RBCK1: variants seen among roughly 807,000 people sequenced by gnomAD.
The protein encoded by RBCK1 is RANBP2-type and C3HC4-type zinc finger containing 1, also known as ranBP-type and C3HC4-type zinc finger-containing protein 1.
In RBCK1, 44 loss-of-function variants were observed where a neutral mutation model predicts 71.1. The ratio of observed to expected loss-of-function variants is 0.62; its 90% CI spans 0.49 to 0.80. RBCK1 has a LOEUF of 0.80. Ranked by LOEUF, RBCK1 falls within the 30% of genes least tolerant of loss-of-function variation. The pLI, the probability that RBCK1 is intolerant of heterozygous loss-of-function variation, is 0.00. For missense variants in RBCK1, 569 were observed against 685.0 expected (o/e 0.83, Z 1.89); for synonymous variants, 306 against 279.7 (o/e 1.09, Z -0.94).
intron 4 of RBCK1, 83 bp downstream of exon 4, chr20:418,013 C>A (rs2016102761): frequency 7.1e-7 from 1 of 1,407,246 alleles, no homozygotes; most frequent in Non-Finnish European, 9.5e-7. Flanking sequence ...GGGCAGAGCC[C>A]CTGGGTTTTT....
At chr20:410,707 CTT>C in intron 2 of RBCK1, 2 of 610,736 alleles carry the variant, frequency 3.3e-6, no homozygotes, top group South Asian at 2.0e-5. Flanking sequence ...TGCTGAAACA[CTT>C]TGCACAATGC....
Position 422,291 on chromosome 20 carries a change from G to T in RBCK1, c.1029+53G>T. 2 of 1,448,896 alleles carry T rather than the reference G, an allele frequency of 1.4e-6. No individual in the cohort carries two copies. Among genetic ancestry groups the T allele is most frequent in the Non-Finnish European group, 1.9e-6 (2 of 1,039,430 alleles). 89.8% of individuals were successfully genotyped at this position (1,448,896 alleles called of 1,614,324 possible). ...CCAAGTCCCAACTCCTAAGGAACTG[G>T]GCCCTGAGCAGGCAGCAGACATCTT... is the stretch of plus-strand genomic sequence containing the variant. On this transcript the variant is annotated intron_variant, in intron 8 of 11. Transcript: ENST00000356286. The surrounding 1 kb of genome is among the most constrained non-coding windows in gnomAD (Gnocchi z 5.0).
chr20:411,321 G>GGCCTC (rs1442241761), intron 2 of RBCK1, among the ~76,000 whole-genome samples: 1 of 151,728 alleles, frequency 6.6e-6, no homozygotes, highest in Non-Finnish European at 1.5e-5. Flanking sequence ...CTCCTGCCTT[G>GGCCTC]GCCTCCCAGG....
chr20:424,550 T>A (rs2016604084), intron 8 of RBCK1, among the ~76,000 whole-genome samples: 1 of 151,946 alleles, frequency 6.6e-6, no homozygotes, highest in Non-Finnish European at 1.5e-5. Flanking sequence ...GCAGAAGAGG[T>A]AGAACTTTGG....
chr20:417,836 T>A lies in RBCK1; in HGVS notation c.366T>A (p.Asn122Lys). ...ETLHSHGVRQNGDSAYLYLLS... is the reference protein window; with the variant it reads ...ETLHSHGVRQKGDSAYLYLLS... ...TGCACTCCCATGGGGTGCGGCAGAA[T>A]GGGGACAGTGCCTACCTCTATCTGC... Residue 122 changes from asparagine (N) to lysine (K), a missense_variant, in exon 4 of 12, where the codon AAT (asparagine) becomes AAA (lysine). Asn to Lys is a moderately conservative substitution (Grantham distance 94, BLOSUM62 0). Around this residue, in one of 2 missense-constraint regions of RBCK1, gnomAD observed 358 missense variants for 375.6 expected, o/e 0.95. Coordinates refer to ENST00000356286, the MANE Select transcript of RBCK1 (RefSeq NM_031229.4). This position sits in a 1 kb window ranked among gnomAD's most constrained non-coding sequence, Gnocchi z 4.7. 6.2e-7 allele frequency: 1 copy of A among 1,613,940 alleles called. No homozygotes were observed. Among genetic ancestry groups the A allele is most frequent in the Non-Finnish European group, 8.5e-7 (1 of 1,180,008 alleles).
intron 4 of RBCK1, among the ~76,000 whole-genome samples, chr20:418,658 A>G (rs6107294): frequency 0.51 from 77,290 of 152,128 alleles, 19,923 homozygotes; most frequent in South Asian, 0.59. Flanking sequence ...GTGAGCCACC[A>G]CGCCCAACCC....
intron 7 of RBCK1, among the ~76,000 whole-genome samples, chr20:421,348 T>C (rs1483145593): frequency 6.6e-6 from 1 of 152,180 alleles, no homozygotes; most frequent in African/African-American, 2.4e-5. Flanking sequence ...TGTGGGCATC[T>C]GCCAGTTTCT....
intron 2 of RBCK1, among the ~76,000 whole-genome samples, chr20:414,136 A>G (rs928087197): frequency 2.6e-5 from 4 of 152,032 alleles, no homozygotes; most frequent in African/African-American, 9.7e-5. Flanking sequence ...ATGAGCAGGT[A>G]TAAACTCACG....
rs753192749 is a variant in RBCK1, at chr20:421,041, C to T, written c.917+10C>T. ...TGCACACCTTCTGCAGGTGCGGCCCCCAGTCCCACCCCCGGCAATGCAGCT... is the reference window on the plus strand; with the variant it reads ...TGCACACCTTCTGCAGGTGCGGCCCTCAGTCCCACCCCCGGCAATGCAGCT... On this transcript the variant is annotated intron_variant, in intron 7 of 11. Transcript: ENST00000356286. 1.3e-6 allele frequency: 2 copies of T among 1,536,516 alleles called. No individual in the cohort carries two copies. The highest frequency in any genetic ancestry group is 2.4e-5 in the South Asian group (2 of 83,760).
At position 411,610 on chromosome 20, in the gene RBCK1, G is replaced by A. The variant is rs565143763; in HGVS notation, c.167+1585G>A. Among the ~76,000 whole-genome samples the A allele has an allele frequency of 1.1e-3, 161 of 151,778 alleles. No homozygotes were observed. In the Middle Eastern group the frequency reaches 0.024, roughly 23 times the overall value. On this transcript the variant is annotated intron_variant, in intron 2 of 11. Coordinates refer to ENST00000356286, the MANE Select transcript of RBCK1 (RefSeq NM_031229.4). ...TCTCCATCTCCTGACCTCGTGATCC[G>A]CCCGCCTATGCCTCCCAATGTGCTG...
chr20:411,013 G>A (rs1029459518), intron 2 of RBCK1, among the ~76,000 whole-genome samples: 3 of 152,060 alleles, frequency 2.0e-5, no homozygotes, highest in African/African-American at 7.2e-5. Context: ...CTCATTAGCA[G>A]CCAGTCCTCA....
chr20:408,884 C>T (rs999659454), intron 1 of RBCK1, 105 bp downstream of exon 1: 5 of 1,336,200 alleles, frequency 3.7e-6, no homozygotes, highest in South Asian at 1.3e-5. Flanking sequence ...GGGCTTTAGC[C>T]TGCCCTCCCT....
chr20:418,444 C>T (rs569446432), intron 4 of RBCK1, among the ~76,000 whole-genome samples: 3 of 152,258 alleles, frequency 2.0e-5, no homozygotes, highest in East Asian at 3.9e-4. Flanking sequence ...TCTCGGCTCA[C>T]TGCAAGCTCC....
chr20:414,357 A>T (rs1022611898), intron 2 of RBCK1, among the ~76,000 whole-genome samples: 3 of 152,238 alleles, frequency 2.0e-5, no homozygotes, highest in African/African-American at 7.2e-5. Context: ...GGTTGCAGTG[A>T]GCCATGATCA....
In RBCK1 at chr20:428,553, C is replaced by T. The variant is rs370138905; in HGVS notation, c.1272C>T (p.Asn424=). The T allele has an allele frequency of 2.4e-5, 38 of 1,612,678 alleles. No individual in the cohort carries two copies. Among genetic ancestry groups the T allele is most frequent in the South Asian group, 7.7e-5 (7 of 90,638 alleles). ...AGGACCTGGCCCTGCGGGCTCAGAA[C>T]GATGTGGCTGCCCGGCAGACGACAG... ...YQEDLALRAQ[N]DVAARQTTEM... Residue 424 remains asparagine (N), a synonymous_variant, in exon 10 of 12, where the codon AAC becomes AAT. Transcript: ENST00000356286. This position sits in a 1 kb window ranked among gnomAD's most constrained non-coding sequence, Gnocchi z 5.7.
At position 427,609 on chromosome 20, in the gene RBCK1, T is replaced by A. The variant is rs1040755; in HGVS notation, c.1209+117T>A. On this transcript the variant is annotated intron_variant, in intron 9 of 11. Coordinates refer to ENST00000356286, the MANE Select transcript of RBCK1 (RefSeq NM_031229.4). ...GTGACACTGGCCTGCTGGTCATGAC[T>A]TAGAGCTACATGTCAGTGGGAGAGT... is the stretch of plus-strand genomic sequence containing the variant. 0.04 allele frequency: 44,991 copies of A among 1,126,668 alleles called. 1,363 individuals are homozygous for A. The highest frequency in any genetic ancestry group is 0.11 in the East Asian group (4,564 of 41,542). The allele number at this position is 1,126,668 out of a possible 1,614,324, so 69.8% of individuals were successfully genotyped here.
chr20:423,304 T>C (rs6115931), intron 8 of RBCK1, among the ~76,000 whole-genome samples: 1 of 151,226 alleles, frequency 6.6e-6, no homozygotes, highest in Admixed American at 6.6e-5. Flanking sequence ...CGTCTGAAAA[T>C]ATATATATAT....
At chr20:415,123 C>T (rs117962695) in intron 2 of RBCK1, among the ~76,000 whole-genome samples, 4,622 of 152,256 alleles carry the variant, frequency 0.03, 92 homozygotes, top group Non-Finnish European at 0.042. Context: ...TGCTTGTAAT[C>T]CTAGCACTTT....
chr20:422,897 G>A lies in RBCK1; in HGVS notation c.1029+659G>A, dbSNP rs2016521345. 6.6e-6 allele frequency among the ~76,000 whole-genome samples: 1 copy of A among 151,758 alleles called. No individual in the cohort carries two copies. Among genetic ancestry groups the A allele is most frequent in the African/African-American group, 2.4e-5 (1 of 41,058 alleles). On this transcript the variant is annotated intron_variant, in intron 8 of 11. Coordinates refer to ENST00000356286, the MANE Select transcript of RBCK1 (RefSeq NM_031229.4). This position sits in a 1 kb window ranked among gnomAD's most constrained non-coding sequence, Gnocchi z 5.0. ...TGGTGGCCTGGGTGTGTGACCACAAGTCAGATATTTAACCTCTCTATGCCT... is the reference window on the plus strand; with the variant it reads ...TGGTGGCCTGGGTGTGTGACCACAAATCAGATATTTAACCTCTCTATGCCT...
Sources: gnomAD v4.1 joint callset for allele counts (sites outside exome capture counted in the v4.1 genomes callset) on GRCh38, gnomAD v4.1.1 for gene constraint, gnomAD v4.1.1 regional missense constraint, Gnocchi (gnomAD v3.1) non-coding constraint, MANE v1.5 for transcripts, NCBI Gene and HGNC (gene_info 2026-07-23, HGNC 2026-07-21) for gene names.